Variants in PDS5A observed in about 807,000 individuals in gnomAD.
PDS5A encodes sister chromatid cohesion protein PDS5 homolog A.
PDS5A carries 42 observed loss-of-function variants against 167.1 expected under a neutral mutation model. That is an observed-to-expected ratio of 0.25 (90% CI 0.20 to 0.33). The LOEUF is 0.33. Ranked by LOEUF, PDS5A falls within the 10% of genes least tolerant of loss-of-function variation. The pLI, the probability that PDS5A is intolerant of heterozygous loss-of-function variation, is 1.00. For missense variants in PDS5A, 1,033 were observed against 1,605.9 expected (o/e 0.64, Z 6.10); for synonymous variants, 553 against 554.6 (o/e 1.00, Z 0.04).
At chr4:39,860,677 C>A (rs1718909243) in intron 26 of PDS5A, among the ~76,000 whole-genome samples, 1 of 152,136 alleles carries the variant, frequency 6.6e-6, no homozygotes, top group Non-Finnish European at 1.5e-5. Flanking sequence ...GAAATTCTGT[C>A]ATTTTCAGCA....
intron 31 of PDS5A, 36 bp downstream of exon 31, chr4:39,841,912 A>C: frequency 8.9e-7 from 1 of 1,125,802 alleles, no homozygotes; most frequent in Non-Finnish European, 1.4e-6. Flanking sequence ...AATAATCTCC[A>C]TGGAAAAAAT....
rs1715180297 is a variant in PDS5A, at chr4:39,825,180, AG to A, written c.*304del. 3.4e-6 allele frequency: 1 copy of A among 294,110 alleles called. No homozygotes were observed. Among genetic ancestry groups the A allele is most frequent in the Non-Finnish European group, 6.3e-6 (1 of 159,934 alleles). The allele number at this position is 294,110 out of a possible 1,614,324, so 18.2% of individuals were successfully genotyped here. ...TTACGCATTTAAACTCCAGATAGGC[AG>A]GAACTGGAACCAAGTGTTAAGCAAT... On this transcript the variant is annotated 3_prime_UTR_variant, in exon 33 of 33. Transcript: ENST00000303538.
At chr4:39,868,008 T>C (rs1258600639) in intron 22 of PDS5A, among the ~76,000 whole-genome samples, 1 of 152,176 alleles carries the variant, frequency 6.6e-6, no homozygotes, top group East Asian at 1.9e-4. Flanking sequence ...AAGTATTATT[T>C]ATTATATTTA....
intron 32 of PDS5A, chr4:39,837,559 A>G (rs1192351303): frequency 5.1e-5 from 15 of 294,356 alleles, no homozygotes; most frequent in Non-Finnish European, 8.7e-5. Flanking sequence ...AAACCTCTGC[A>G]ACCACTTGAA....
intron 32 of PDS5A, among the ~76,000 whole-genome samples, chr4:39,830,897 T>C (rs1467415717): frequency 2.0e-5 from 3 of 152,258 alleles, no homozygotes; most frequent in Non-Finnish European, 2.9e-5. Flanking sequence ...ATGAGTAGAA[T>C]TGGTCTAATT....
intron 32 of PDS5A, among the ~76,000 whole-genome samples, chr4:39,833,775 T>C (rs776347119): frequency 9.2e-5 from 14 of 152,178 alleles, no homozygotes; most frequent in Non-Finnish European, 1.6e-4. Context: ...TCATCTTGTT[T>C]CTGCCGATTC....
At chr4:39,874,502 G>T in intron 19 of PDS5A, 90 bp from the exon 20 acceptor site, 1 of 1,033,968 alleles carries the variant, frequency 9.7e-7, no homozygotes, top group Non-Finnish European at 1.5e-6. Context: ...CTATATGGAT[G>T]GATGCTAGTA....
At chr4:39,960,924 G>A (rs1318322314) in intron 2 of PDS5A, among the ~76,000 whole-genome samples, 4 of 152,068 alleles carry the variant, frequency 2.6e-5, no homozygotes, top group Non-Finnish European at 4.4e-5. Flanking sequence ...TCTTGACTTC[G>A]TGATCCACTT....
chr4:39,915,447 C>G (rs1404961411), intron 8 of PDS5A, among the ~76,000 whole-genome samples: 1 of 149,098 alleles, frequency 6.7e-6, no homozygotes, highest in Non-Finnish European at 1.5e-5. Context: ...ATAACCTCTG[C>G]CTTCCAGGCT....
At chr4:39,949,821 G>GAAAAAAGAAAAAAAA (rs1553907229) in intron 2 of PDS5A, among the ~76,000 whole-genome samples, 1 of 67,186 alleles carries the variant, frequency 1.5e-5, no homozygotes, top group African/African-American at 5.5e-5. Flanking sequence ...CTCTGTCTCA[G>GAAAAAAGAAAAAAAA]AAAAAAAAAA....
At chr4:39,920,580 T>C (rs1478342361) in intron 6 of PDS5A, among the ~76,000 whole-genome samples, 181 bp from the exon 7 acceptor site, 1 of 152,244 alleles carries the variant, frequency 6.6e-6, no homozygotes, top group Non-Finnish European at 1.5e-5. Context: ...TCTAGTCAAG[T>C]GATCTTAAAT....
intron 2 of PDS5A, among the ~76,000 whole-genome samples, chr4:39,936,344 G>A (rs953665861): frequency 3.9e-5 from 6 of 152,092 alleles, no homozygotes; most frequent in African/African-American, 1.4e-4. Flanking sequence ...ATTTCTGACA[G>A]ACCAGCTATA....
At chr4:39,954,310 T>C (rs537127348) in intron 2 of PDS5A, among the ~76,000 whole-genome samples, 1 of 152,024 alleles carries the variant, frequency 6.6e-6, no homozygotes, top group South Asian at 2.1e-4. Context: ...CAATGAGCCA[T>C]GACGGTGCCA....
At chr4:39,869,024 A>T (rs999885028) in intron 22 of PDS5A, among the ~76,000 whole-genome samples, 9 of 152,210 alleles carry the variant, frequency 5.9e-5, no homozygotes, top group Non-Finnish European at 1.0e-4. Context: ...TCTCTCTATA[A>T]AACAGCCTCA....
chr4:39,930,246 A>AAAAAAAAAAAAATTTTTTTTTT, intron 2 of PDS5A, among the ~76,000 whole-genome samples: 5 of 93,164 alleles, frequency 5.4e-5, no homozygotes, highest in Non-Finnish European at 6.7e-5. Context: ...AAAAAAAAAA[A>AAAAAAAAAAAAATTTTTTTTTT]GTTTTTTTGT....
chr4:39,872,440 G>A (rs1365348025), intron 21 of PDS5A, among the ~76,000 whole-genome samples: 1 of 152,030 alleles, frequency 6.6e-6, no homozygotes, highest in African/African-American at 2.4e-5. Flanking sequence ...CAAGGCGGAC[G>A]GATCACCTGA....
chr4:39,842,909 T>TTATATATATATATATATATATATATATG lies in PDS5A; in HGVS notation c.3549-854_3549-853insCATATATATATATATATATATATATATA, dbSNP rs1553888364. The stretch of plus-strand genomic sequence containing the variant: ...AGAACAATGTAAACTTATCCTATTT[T>TTATATATATATATATATATATATATATG]TATATATATATATATATATATATAT... On this transcript the variant is annotated intron_variant, in intron 30 of 32. Transcript: ENST00000303538. Among the ~76,000 whole-genome samples, 42 of 92,304 alleles carry TTATATATATATATATATATATATATATG rather than the reference T, an allele frequency of 4.6e-4. 1 individual carries two copies. Among genetic ancestry groups the TTATATATATATATATATATATATATATG allele is most frequent in the African/African-American group, 2.0e-3 (36 of 18,204 alleles). The allele number at this position is 92,304 out of a possible 152,430, so 60.6% of individuals were successfully genotyped here.
chr4:39,912,943 C>T (rs1362130497), intron 9 of PDS5A, among the ~76,000 whole-genome samples: 1 of 152,120 alleles, frequency 6.6e-6, no homozygotes, highest in African/African-American at 2.4e-5. Context: ...CAGACCCAAA[C>T]GACAAGCACT....
intron 10 of PDS5A, among the ~76,000 whole-genome samples, chr4:39,909,703 A>G (rs1397056214): frequency 6.6e-6 from 1 of 152,228 alleles, no homozygotes; most frequent in African/African-American, 2.4e-5. Flanking sequence ...TTTTTGGTAA[A>G]TAACAGCCTG....
Sources: allele counts gnomAD v4.1 joint callset (sites outside exome capture counted in the v4.1 genomes callset), GRCh38; gene constraint gnomAD v4.1.1; transcripts MANE v1.5; gene names NCBI Gene and HGNC (gene_info 2026-07-23, HGNC 2026-07-21).